The following MAN1C1 variants were observed in gnomAD, a reference collection of about 807,000 sequenced individuals.
MAN1C1 encodes mannosyl-oligosaccharide 1,2-alpha-mannosidase IC.
Under a neutral mutation model 71.5 loss-of-function variants are expected in MAN1C1, and 49 were observed. The ratio of observed to expected loss-of-function variants is 0.69; its 90% CI spans 0.54 to 0.87. The LOEUF (loss-of-function observed/expected upper bound fraction) is 0.87. MAN1C1 is among the 40% of genes least tolerant of loss of function. The pLI, the probability that MAN1C1 is intolerant of heterozygous loss-of-function variation, is 0.00. For synonymous variants in MAN1C1, 352 were observed against 343.7 expected, an observed-to-expected ratio of 1.02 and a Z score of -0.27; for missense variants, 743 against 835.0, an observed-to-expected ratio of 0.89 and a Z score of 1.36.
At chr1:25,624,998 A>ATTTTTTTT (rs1032269792) in intron 1 of MAN1C1, among the ~76,000 whole-genome samples, 54 of 101,600 alleles carry the variant, frequency 5.3e-4, no homozygotes, top group African/African-American at 7.1e-4. Context: ...AAATGCACAG[A>ATTTTTTTT]TTTTTTTTTT....
At chr1:25,695,793 T>C (rs1468449964) in intron 2 of MAN1C1, among the ~76,000 whole-genome samples, 1 of 152,234 alleles carries the variant, frequency 6.6e-6, no homozygotes, top group Admixed American at 6.5e-5. Context: ...TTAGGAGCCT[T>C]GGGTTCGTGT....
At chr1:25,649,700 C>T (rs1163543832) in intron 1 of MAN1C1, among the ~76,000 whole-genome samples, 1 of 152,148 alleles carries the variant, frequency 6.6e-6, no homozygotes, top group African/African-American at 2.4e-5. Context: ...TACAGTGGCG[C>T]AATCTCAGTT....
intron 1 of MAN1C1, among the ~76,000 whole-genome samples, chr1:25,683,690 A>G (rs1236817897): frequency 1.3e-5 from 2 of 151,760 alleles, no homozygotes; most frequent in Non-Finnish European, 2.9e-5. Context: ...CATTACCACC[A>G]TGGCTATAGC....
At chr1:25,687,683 C>T (rs1271654074) in intron 2 of MAN1C1, among the ~76,000 whole-genome samples, 1 of 152,176 alleles carries the variant, frequency 6.6e-6, no homozygotes, top group Non-Finnish European at 1.5e-5. Flanking sequence ...TCCCCTTCAC[C>T]AGTCAGATCG....
intron 8 of MAN1C1, 87 bp downstream of exon 8, chr1:25,771,859 G>A (rs807263): frequency 0.18 from 176,661 of 984,606 alleles, 16,553 homozygotes; most frequent in African/African-American, 0.31. Context: ...CGGGCAGCGG[G>A]GCCAGATGGG....
At chr1:25,623,180 G>C (rs2045240510) in intron 1 of MAN1C1, among the ~76,000 whole-genome samples, 1 of 152,136 alleles carries the variant, frequency 6.6e-6, no homozygotes, top group Non-Finnish European at 1.5e-5. Flanking sequence ...TACATCCTCA[G>C]CCCAGCCATA....
In MAN1C1 at chr1:25,746,594, G is replaced by A; in HGVS notation, c.638-74G>A. The A allele has an allele frequency of 8.3e-7, 1 of 1,203,136 alleles. No homozygotes were observed. Among genetic ancestry groups the A allele is most frequent in the South Asian group, 1.3e-5 (1 of 78,082 alleles). The allele number at this position is 1,203,136 out of a possible 1,614,324, so 74.5% of individuals were successfully genotyped here. A position where few individuals can be genotyped will look rare whatever the true frequency, so the allele number is the denominator to read the frequency against. ...TGCGCTGGCATTGGAGGGGCCCTGAGAACGGTGGCTTGTCCAGTTGGGGAA... is the reference window on the plus strand; with the variant it reads ...TGCGCTGGCATTGGAGGGGCCCTGAAAACGGTGGCTTGTCCAGTTGGGGAA... On this transcript the variant is annotated intron_variant, in intron 2 of 11. Coordinates refer to ENST00000374332, the MANE Select transcript of MAN1C1 (RefSeq NM_020379.4). The surrounding 1 kb of genome is among the most constrained non-coding windows in gnomAD (Gnocchi z 4.0).
At position 25,746,864 on chromosome 1, in the gene MAN1C1, G is replaced by A. The variant is rs2047136857; in HGVS notation, c.753+81G>A. 2.1e-6 allele frequency: 2 copies of A among 953,842 alleles called. No individual in the cohort carries two copies. The highest frequency in any genetic ancestry group is 1.6e-5 in the South Asian group (1 of 62,542). 59.1% of individuals were successfully genotyped at this position (953,842 alleles called of 1,614,324 possible). The stretch of plus-strand genomic sequence containing the variant: ...GCCAGCTTCACCCTGTCATCTCTGA[G>A]ACCCAGAGATGTTGAGGGTCTCTCC... On this transcript the variant is annotated intron_variant, in intron 3 of 11. Transcript: ENST00000374332. The surrounding 1 kb of genome is among the most constrained non-coding windows in gnomAD (Gnocchi z 4.0).
At chr1:25,748,352 G>T (rs1006421990) in intron 3 of MAN1C1, among the ~76,000 whole-genome samples, 2 of 152,218 alleles carry the variant, frequency 1.3e-5, no homozygotes, top group Non-Finnish European at 2.9e-5. Context: ...AGCTCCCCCA[G>T]GTTAACAGAT....
At chr1:25,718,332 G>T (rs1245813264) in intron 2 of MAN1C1, among the ~76,000 whole-genome samples, 1 of 152,144 alleles carries the variant, frequency 6.6e-6, no homozygotes, top group African/African-American at 2.4e-5. Context: ...CGTCTCTCCT[G>T]GAGGCTTCTG....
At chr1:25,706,710 C>A (rs2046528605) in intron 2 of MAN1C1, among the ~76,000 whole-genome samples, 1 of 152,194 alleles carries the variant, frequency 6.6e-6, no homozygotes, top group Non-Finnish European at 1.5e-5. Context: ...AAGGCCAGGG[C>A]CCTGAAGCGG....
chr1:25,719,374 C>T (rs1205578746), intron 2 of MAN1C1, among the ~76,000 whole-genome samples: 1 of 149,106 alleles, frequency 6.7e-6, no homozygotes, highest in African/African-American at 2.4e-5. Flanking sequence ...TGCCCAGCCC[C>T]AATACTTATT....
intron 1 of MAN1C1, among the ~76,000 whole-genome samples, chr1:25,651,995 G>A (rs1185055011): frequency 6.6e-6 from 1 of 152,214 alleles, no homozygotes; most frequent in Non-Finnish European, 1.5e-5. Flanking sequence ...AGCAGGGATG[G>A]TGGAGTAGTT....
Position 25,763,505 on chromosome 1 carries a change from A to C in MAN1C1, c.1048-369A>C, listed in dbSNP as rs2047388182. The C allele has an allele frequency of 6.5e-5, 12 of 185,230 alleles. No homozygotes were observed. The South Asian group carries it at 1.3e-3, about 19-fold the overall frequency. 11.5% of individuals were successfully genotyped at this position (185,230 alleles called of 1,614,324 possible). A position where few individuals can be genotyped will look rare whatever the true frequency, so the allele number is the denominator to read the frequency against. On this transcript the variant is annotated intron_variant, in intron 6 of 11. Coordinates refer to ENST00000374332, the MANE Select transcript of MAN1C1 (RefSeq NM_020379.4). ...CTGTCTCAAAAAAAAAAAAAAAAAAAAAACCCTCCCCAAAAGAATCCCTCA... is the reference window on the plus strand; with the variant it reads ...CTGTCTCAAAAAAAAAAAAAAAAAACAAACCCTCCCCAAAAGAATCCCTCA...
chr1:25,767,021 C>G (rs1412268184), intron 7 of MAN1C1, among the ~76,000 whole-genome samples: 1 of 151,948 alleles, frequency 6.6e-6, no homozygotes, highest in Non-Finnish European at 1.5e-5. Context: ...CTTCACACAT[C>G]TGCAGATGGG....
At chr1:25,673,823 G>A (rs2046026606) in intron 1 of MAN1C1, among the ~76,000 whole-genome samples, 1 of 152,306 alleles carries the variant, frequency 6.6e-6, no homozygotes, top group East Asian at 1.9e-4. Context: ...TGTAAAATGG[G>A]GGTGATTACC....
intron 2 of MAN1C1, among the ~76,000 whole-genome samples, chr1:25,744,010 T>C (rs890948610): frequency 6.6e-6 from 1 of 152,218 alleles, no homozygotes; most frequent in Admixed American, 6.5e-5. Flanking sequence ...GGTCTAATCT[T>C]GAGTGTGTCC....
At chr1:25,759,939 C>A (rs1016075327) in intron 6 of MAN1C1, 2 of 152,200 alleles carry the variant, frequency 1.3e-5, no homozygotes, top group African/African-American at 4.8e-5. Context: ...GACTCTGCCT[C>A]CCTGAAACTC....
intron 2 of MAN1C1, among the ~76,000 whole-genome samples, chr1:25,719,788 G>C (rs955377371): frequency 6.6e-6 from 1 of 151,982 alleles, no homozygotes; most frequent in African/African-American, 2.4e-5. Flanking sequence ...TATTTTGTTT[G>C]TTTGTTTGTT....
Sources: allele counts gnomAD v4.1 joint callset (sites outside exome capture counted in the v4.1 genomes callset), GRCh38; gene constraint gnomAD v4.1.1; non-coding constraint Gnocchi (gnomAD v3.1); transcripts MANE v1.5; gene names NCBI Gene and HGNC (gene_info 2026-07-23, HGNC 2026-07-21).